Variants in NOX5 observed in about 807,000 individuals in gnomAD.
The protein encoded by NOX5 is NADPH oxidase 5.
NOX5 carries 76 observed loss-of-function variants against 85.7 expected under a neutral mutation model. That is an observed-to-expected ratio of 0.89 (90% CI 0.74 to 1.07). NOX5 has a LOEUF of 1.07. Ranked by LOEUF, NOX5 falls within the 50% of genes least tolerant of loss-of-function variation. NOX5 has a pLI of 0.00. For synonymous variants in NOX5, 405 were observed against 401.4 expected, an observed-to-expected ratio of 1.01 and a Z score of -0.11; for missense variants, 973 against 999.5, an observed-to-expected ratio of 0.97 and a Z score of 0.36.
rs904062965 is a variant in NOX5 at position 69,057,978 on chromosome 15, G to A, written c.*1282G>A. 1 of 152,466 alleles carries A rather than the reference G, an allele frequency of 6.6e-6. No individual in the cohort carries two copies. Among genetic ancestry groups the A allele is most frequent in the African/African-American group, 2.4e-5 (1 of 41,456 alleles). 9.4% of individuals were successfully genotyped at this position (152,466 alleles called of 1,614,324 possible). ...GAGGAGCGGCCCTGGGCAGAGGACA[G>A]GGTGGGCCTCACCTCCTCCATCTGA... On this transcript the variant is annotated 3_prime_UTR_variant, in exon 16 of 16. Coordinates refer to ENST00000388866, the MANE Select transcript of NOX5 (RefSeq NM_024505.4).
chr15:69,040,411 C>CTA (rs1567102438), intron 9 of NOX5, among the ~76,000 whole-genome samples: 88 of 152,230 alleles, frequency 5.8e-4, no homozygotes, highest in African/African-American at 1.9e-3. Flanking sequence ...AGCTCTCTCT[C>CTA]TCTATCTATC....
intron 15 of NOX5, 151 bp downstream of exon 15, chr15:69,055,651 G>A: frequency 2.7e-6 from 2 of 745,056 alleles, no homozygotes; most frequent in Non-Finnish European, 2.1e-6. Flanking sequence ...AAGGTAAACA[G>A]GGCACCTACA....
chr15:69,037,642 GA>G, intron 8 of NOX5: 1 of 158,932 alleles, frequency 6.3e-6, no homozygotes, highest in Non-Finnish European at 1.4e-5. Context: ...AAAAGCTTCA[GA>G]ATAAGGGAGA....
At chr15:69,017,911 C>A (rs2050250629) in intron 1 of NOX5, among the ~76,000 whole-genome samples, 1 of 152,004 alleles carries the variant, frequency 6.6e-6, no homozygotes, top group South Asian at 2.1e-4. Context: ...AGGCACGAGG[C>A]ACTTTAGAAA....
intron 10 of NOX5, among the ~76,000 whole-genome samples, chr15:69,045,610 T>C (rs1268381873): frequency 7.5e-6 from 1 of 134,058 alleles, no homozygotes; most frequent in Non-Finnish European, 1.6e-5. Context: ...TTTTTTTTTC[T>C]CTCTCTCTCT....
At chr15:69,050,988 T>G (rs2050741490) in intron 14 of NOX5, among the ~76,000 whole-genome samples, 1 of 152,222 alleles carries the variant, frequency 6.6e-6, no homozygotes, top group African/African-American at 2.4e-5. Flanking sequence ...CACATTCAAA[T>G]TAATGCTCAG....
chr15:69,022,767 T>C, intron 1 of NOX5: 1 of 199,416 alleles, frequency 5.0e-6, no homozygotes. Flanking sequence ...TCAATTCATC[T>C]GCAGTGTGTC....
intron 9 of NOX5, among the ~76,000 whole-genome samples, chr15:69,040,949 G>A (rs991315662): frequency 4.3e-4 from 66 of 152,272 alleles, no homozygotes; most frequent in African/African-American, 1.5e-3. Context: ...TTTCCAAAGT[G>A]CTGGGATTAC....
At chr15:69,047,597 G>C in intron 12 of NOX5, 60 bp downstream of exon 12, 3 of 1,569,510 alleles carry the variant, frequency 1.9e-6, no homozygotes, top group African/African-American at 2.7e-5. Flanking sequence ...CGCCCTCCCT[G>C]CTCCTCCTCC....
intron 7 of NOX5, among the ~76,000 whole-genome samples, 200 bp downstream of exon 7, chr15:69,036,136 G>A (rs144854929): frequency 2.0e-5 from 3 of 152,288 alleles, no homozygotes; most frequent in South Asian, 4.1e-4. Context: ...GTTTTGCTGC[G>A]GAAGAGTCTG....
chr15:69,036,481 A>G (rs924071291), intron 7 of NOX5, among the ~76,000 whole-genome samples: 2 of 152,284 alleles, frequency 1.3e-5, no homozygotes. Flanking sequence ...GAGCTTGACT[A>G]TCTTGTGGCC....
At chr15:69,031,837 C>T (rs1219718375) in intron 4 of NOX5, 25 bp downstream of exon 4, 33 of 1,579,726 alleles carry the variant, frequency 2.1e-5, no homozygotes, top group Non-Finnish European at 2.8e-5. Context: ...CGGGCATTGG[C>T]ACTGTCCACG....
Position 69,047,720 on chromosome 15 carries a change from T to C in NOX5, c.1818-110T>C, listed in dbSNP as rs958358272. 9.8e-6 allele frequency: 13 copies of C among 1,326,198 alleles called. No homozygotes were observed. The Admixed American group carries it at 1.2e-4, about 12-fold the overall frequency. The allele number at this position is 1,326,198 out of a possible 1,614,324, so 82.2% of individuals were successfully genotyped here. A position where few individuals can be genotyped will look rare whatever the true frequency, so the allele number is the denominator to read the frequency against. The stretch of plus-strand genomic sequence containing the variant: ...TGTGTCTCATCCCTCCCCTTCCTCA[T>C]AGAGTGGGCTCTGCCACCCCATCCT... On this transcript the variant is annotated intron_variant, in intron 12 of 15. Coordinates refer to ENST00000388866, the MANE Select transcript of NOX5 (RefSeq NM_024505.4).
chr15:69,040,199 G>A (rs2050576344), intron 9 of NOX5, among the ~76,000 whole-genome samples: 1 of 152,216 alleles, frequency 6.6e-6, no homozygotes. Flanking sequence ...TGCCCTCAAT[G>A]TACCACGGAA....
chr15:69,031,063 C>G (rs1370971389), intron 3 of NOX5: 3 of 161,146 alleles, frequency 1.9e-5, no homozygotes, highest in African/African-American at 7.2e-5. Context: ...TTTCAACCAC[C>G]CATGTTTACA....
rs568115080 is a variant in NOX5 at position 69,042,959 on chromosome 15, C to T, written c.1647+154C>T. On this transcript the variant is annotated intron_variant, in intron 10 of 15. Transcript: ENST00000388866. Reference sequence around the variant, plus strand: ...TTAGGCAACTGCTAACTCCGTGGTCCAAGAACCTTCTCGAAGTCTGACCAC... The same window carrying T: ...TTAGGCAACTGCTAACTCCGTGGTCTAAGAACCTTCTCGAAGTCTGACCAC... 3.9e-5 allele frequency among the ~76,000 whole-genome samples: 6 copies of T among 152,276 alleles called. No homozygotes were observed. The East Asian group carries it at 1.2e-3, about 29-fold the overall frequency.
rs537146788 is a variant in NOX5, at chr15:69,059,696, A to G, written c.*3000A>G. On this transcript the variant is annotated 3_prime_UTR_variant, in exon 16 of 16. Transcript: ENST00000388866. ...AGTGTACAGCACGCATGGTCTGACC[A>G]TCTGGATGTTTCCCAGATGTGCAGA... 1 of 152,352 alleles carries G rather than the reference A, an allele frequency of 6.6e-6. No homozygotes were observed. The highest frequency in any genetic ancestry group is 1.9e-4 in the East Asian group (1 of 5,182). 9.4% of individuals were successfully genotyped at this position (152,352 alleles called of 1,614,324 possible). A position where few individuals can be genotyped will look rare whatever the true frequency, so the allele number is the denominator to read the frequency against.
In NOX5 at chr15:69,048,950, T is replaced by A; in HGVS notation, c.1900-9T>A. ...CCCAGCCTCTGAGCTGAAGGGCCTCTCTCCGTAGGTGGACTTTATCTGGAT... is the reference window on the plus strand; with the variant it reads ...CCCAGCCTCTGAGCTGAAGGGCCTCACTCCGTAGGTGGACTTTATCTGGAT... On this transcript the variant is annotated splice_polypyrimidine_tract_variant and intron_variant, in intron 13 of 15. Transcript: ENST00000388866. 1.2e-6 allele frequency: 2 copies of A among 1,606,966 alleles called. No individual in the cohort carries two copies. Among genetic ancestry groups the A allele is most frequent in the Non-Finnish European group, 8.5e-7 (1 of 1,176,656 alleles).
At position 69,037,092 on chromosome 15, in the gene NOX5, A is replaced by G. The variant is rs749384097; in HGVS notation, c.1253A>G (p.Asn418Ser). 5.6e-6 allele frequency: 9 copies of G among 1,613,858 alleles called. 1 individual carries two copies. In the Middle Eastern group the frequency reaches 5.0e-4, roughly 89 times the overall value. The stretch of plus-strand genomic sequence containing the variant: ...CTTCTGCTCATCTTTCATGGGCCCA[A>G]CTTCTGGAAGTGGCTGCTGGTGCCT... ...VWLLLIFHGP[N>S]FWKWLLVPGI... The change falls in exon 8 of 16, where the codon AAC becomes AGC. Residue 418 changes from asparagine (N) to serine (S), a missense_variant. Coordinates refer to ENST00000388866, the MANE Select transcript of NOX5 (RefSeq NM_024505.4).
Sources: allele counts gnomAD v4.1 joint callset (sites outside exome capture counted in the v4.1 genomes callset), GRCh38; gene constraint gnomAD v4.1.1; transcripts MANE v1.5; gene names NCBI Gene and HGNC (gene_info 2026-07-23, HGNC 2026-07-21).